MARK3: variants seen among roughly 807,000 people sequenced by gnomAD.
The protein encoded by MARK3 is MAP/microtubule affinity-regulating kinase 3.
MARK3 carries 46 observed loss-of-function variants against 90.1 expected under a neutral mutation model. That is an observed-to-expected ratio of 0.51 (90% CI 0.40 to 0.65). MARK3 has a LOEUF of 0.65. MARK3 is among the 30% of genes least tolerant of loss of function. The pLI is 0.00. For synonymous variants in MARK3, 321 were observed against 332.6 expected, an observed-to-expected ratio of 0.97 and a Z score of 0.38; for missense variants, 818 against 947.2, an observed-to-expected ratio of 0.86 and a Z score of 1.79.
chr14:103,425,222 G>A (rs189190763), intron 2 of MARK3, among the ~76,000 whole-genome samples: 1,586 of 151,392 alleles, frequency 0.01, 27 homozygotes, highest in Non-Finnish European at 0.014. Context: ...CTACAGGCGT[G>A]AGCCACCACA....
rs539464779 is a variant in MARK3, at chr14:103,493,874, CA to C, written c.1844+1859del. 6.5e-3 allele frequency among the ~76,000 whole-genome samples: 569 copies of C among 87,594 alleles called. 4 individuals carry two copies. The highest frequency in any genetic ancestry group is 0.02 in the African/African-American group (453 of 22,260). 57.5% of individuals were successfully genotyped at this position (87,594 alleles called of 152,430 possible). A position where few individuals can be genotyped will look rare whatever the true frequency, so the allele number is the denominator to read the frequency against. Reference sequence around the variant, plus strand: ...TGGGTGACAAAGTGAGACTGTGTCTCAAAAAAAAAAAAAAAAAAACTTTGAG... The same window carrying C: ...TGGGTGACAAAGTGAGACTGTGTCTCAAAAAAAAAAAAAAAAAACTTTGAG... On this transcript the variant is annotated intron_variant, in intron 15 of 17. Coordinates refer to ENST00000429436, the MANE Select transcript of MARK3 (RefSeq NM_001128918.3).
At chr14:103,474,645 T>C (rs1172824091) in intron 12 of MARK3, among the ~76,000 whole-genome samples, 1 of 152,252 alleles carries the variant, frequency 6.6e-6, no homozygotes, top group Non-Finnish European at 1.5e-5. Context: ...TGTAATTCAC[T>C]CAGATGTACA....
rs1390688301 is a variant in MARK3, at chr14:103,495,095, CATTTA to C, written c.1844+3069_1844+3073del. On this transcript the variant is annotated intron_variant, in intron 15 of 17. Transcript: ENST00000429436. ...ACATGTACAAGTGTGCACACACACT[CATTTA>C]ATTTAATCTCCATAGTCCACCCCAT... 8.5e-5 allele frequency among the ~76,000 whole-genome samples: 13 copies of C among 152,254 alleles called. No homozygotes were observed. In the East Asian group the frequency reaches 1.5e-3, roughly 18 times the overall value.
At chr14:103,492,806 T>G (rs994223561) in intron 15 of MARK3, among the ~76,000 whole-genome samples, 6 of 152,230 alleles carry the variant, frequency 3.9e-5, no homozygotes, top group Middle Eastern at 3.4e-3. Flanking sequence ...ACTGGCTGCT[T>G]CAAGAGGAAA....
chr14:103,501,399 A>G (rs1489728457), intron 17 of MARK3, among the ~76,000 whole-genome samples: 1 of 152,192 alleles, frequency 6.6e-6, no homozygotes, highest in South Asian at 2.1e-4. Flanking sequence ...CCTGACCACC[A>G]CAAGTGCTCA....
intron 2 of MARK3, among the ~76,000 whole-genome samples, chr14:103,423,971 C>T (rs912408714): frequency 4.0e-5 from 6 of 151,768 alleles, no homozygotes; most frequent in South Asian, 4.2e-4. Context: ...TTTGGGAGGC[C>T]GAGGCGGGTG....
At position 103,435,083 on chromosome 14, in the gene MARK3, G is replaced by C. The variant is rs1303191560; in HGVS notation, c.297+6643G>C. ...GATGTAGCAGGGAAACTTATAATTT[G>C]AAAGCAAGGAGAACCAGTTCATGCT... On this transcript the variant is annotated intron_variant, in intron 3 of 17. Coordinates refer to ENST00000429436, the MANE Select transcript of MARK3 (RefSeq NM_001128918.3). 2.0e-5 allele frequency among the ~76,000 whole-genome samples: 3 copies of C among 152,164 alleles called. No individual in the cohort carries two copies. In the East Asian group the frequency reaches 5.8e-4, roughly 29 times the overall value.
chr14:103,424,727 A>G (rs1446906021), intron 2 of MARK3, among the ~76,000 whole-genome samples: 1 of 152,188 alleles, frequency 6.6e-6, no homozygotes. Flanking sequence ...GGAGGCCAGA[A>G]AAGAGTGTGT....
intron 3 of MARK3, among the ~76,000 whole-genome samples, chr14:103,435,319 A>G (rs1595665026): frequency 6.6e-6 from 1 of 151,638 alleles, no homozygotes; most frequent in Non-Finnish European, 1.5e-5. Context: ...TGATCTCAGT[A>G]CACACCCCAG....
intron 3 of MARK3, among the ~76,000 whole-genome samples, chr14:103,443,629 A>G (rs757657937): frequency 1.3e-5 from 2 of 152,194 alleles, no homozygotes; most frequent in Non-Finnish European, 2.9e-5. Flanking sequence ...TTTGAGACTT[A>G]GAGCGTTTGA....
chr14:103,495,668 G>A (rs2142076546), intron 15 of MARK3, among the ~76,000 whole-genome samples: 1 of 152,262 alleles, frequency 6.6e-6, no homozygotes, highest in East Asian at 1.9e-4. Flanking sequence ...TGGTCATCTT[G>A]TTTACAATTT....
At chr14:103,468,869 T>C (rs1276404708) in intron 12 of MARK3, among the ~76,000 whole-genome samples, 2 of 151,564 alleles carry the variant, frequency 1.3e-5, no homozygotes, top group Admixed American at 1.3e-4. Context: ...GTTCAAACTA[T>C]TCTCTCACCA....
At chr14:103,465,875 A>G in intron 8 of MARK3, 82 bp downstream of exon 8, 1 of 1,534,258 alleles carries the variant, frequency 6.5e-7, no homozygotes, top group African/African-American at 1.4e-5. Context: ...TTAACATTAT[A>G]TCAGTGCGGG....
At chr14:103,400,898 CAAAAAAAAA>C (rs34861063) in intron 1 of MARK3, among the ~76,000 whole-genome samples, 1 of 70,064 alleles carries the variant, frequency 1.4e-5, no homozygotes, top group Non-Finnish European at 2.6e-5. Context: ...GACCCTGTCT[CAAAAAAAAA>C]AAAAAAAAAA....
chr14:103,415,775 T>TA (rs2091919105), intron 2 of MARK3, among the ~76,000 whole-genome samples: 2 of 152,246 alleles, frequency 1.3e-5, no homozygotes, highest in Admixed American at 1.3e-4. Context: ...GCACATAGCT[T>TA]AACAAGTCAA....
intron 3 of MARK3, among the ~76,000 whole-genome samples, chr14:103,444,086 C>CT (rs10676381): frequency 0.27 from 31,751 of 115,822 alleles, 5,149 homozygotes; most frequent in Middle Eastern, 0.4. Flanking sequence ...GTAAAATTGT[C>CT]TTTTTTTTTT....
At chr14:103,400,545 A>G (rs1416765574) in intron 1 of MARK3, among the ~76,000 whole-genome samples, 1 of 152,180 alleles carries the variant, frequency 6.6e-6, no homozygotes. Context: ...CATTTAATCC[A>G]TAAGAATTAA....
Position 103,503,662 on chromosome 14 carries a change from G to A in MARK3, c.*435G>A, listed in dbSNP as rs1332383221. On this transcript the variant is annotated 3_prime_UTR_variant, in exon 18 of 18. Coordinates refer to ENST00000429436, the MANE Select transcript of MARK3 (RefSeq NM_001128918.3). ...AATGACTGCTAAGAATTAACCTTAA[G>A]ACCAGTTCATAGTTAATACAGGTTT... The A allele has an allele frequency of 6.0e-6, 1 of 166,290 alleles. No individual in the cohort carries two copies. Among genetic ancestry groups the A allele is most frequent in the African/African-American group, 2.4e-5 (1 of 41,712 alleles). 10.3% of individuals were successfully genotyped at this position (166,290 alleles called of 1,614,324 possible). A position where few individuals can be genotyped will look rare whatever the true frequency, so the allele number is the denominator to read the frequency against.
intron 1 of MARK3, among the ~76,000 whole-genome samples, chr14:103,396,690 T>G (rs768382443): frequency 2.8e-4 from 42 of 152,152 alleles, no homozygotes; most frequent in Non-Finnish European, 5.7e-4. Flanking sequence ...CTTTGTTACC[T>G]CTTCTTGGGT....
Sources: gnomAD v4.1 joint callset for allele counts (sites outside exome capture counted in the v4.1 genomes callset) on GRCh38, gnomAD v4.1.1 for gene constraint, MANE v1.5 for transcripts, NCBI Gene and HGNC (gene_info 2026-07-23, HGNC 2026-07-21) for gene names.